The following MTUS2 variants were observed in gnomAD, a reference collection of about 807,000 sequenced individuals.
The protein encoded by MTUS2 is microtubule-associated tumor suppressor candidate 2.
MTUS2 carries 40 observed loss-of-function variants against 114.1 expected under a neutral mutation model. That is an observed-to-expected ratio of 0.35 (90% CI 0.27 to 0.46). MTUS2 has a LOEUF of 0.46. Among genes scored for constraint, MTUS2 ranks in the 20% least tolerant of loss-of-function variants. The pLI is 1.00. For synonymous variants in MTUS2, 688 were observed against 672.0 expected (o/e 1.02, Z -0.37); for missense variants, 1,679 against 1,705.4 (o/e 0.98, Z 0.27).
chr13:29,372,739 A>T (rs1871295259), intron 8 of MTUS2, among the ~76,000 whole-genome samples: 3 of 152,162 alleles, frequency 2.0e-5, no homozygotes, highest in African/African-American at 4.8e-5. Context: ...TCAGATCCAT[A>T]TGTATGTTAT....
intron 6 of MTUS2, 39 bp from the exon 7 acceptor site, chr13:29,324,574 C>T: frequency 6.9e-7 from 1 of 1,459,348 alleles, no homozygotes; most frequent in Middle Eastern, 1.7e-4. Flanking sequence ...TTTTAAGTAG[C>T]TTACTTTCTA....
intron 2 of MTUS2, among the ~76,000 whole-genome samples, chr13:28,872,109 G>A (rs1877652620): frequency 6.6e-6 from 1 of 152,242 alleles, no homozygotes; most frequent in Non-Finnish European, 1.5e-5. Flanking sequence ...ATGGTTATAA[G>A]TGGGTATTAG....
At chr13:28,880,822 A>T (rs1481911687) in intron 2 of MTUS2, among the ~76,000 whole-genome samples, 1 of 152,220 alleles carries the variant, frequency 6.6e-6, no homozygotes, top group Non-Finnish European at 1.5e-5. Context: ...TTAACAGTAC[A>T]GCATGGTCTC....
intron 6 of MTUS2, among the ~76,000 whole-genome samples, chr13:29,312,444 A>G (rs1899811850): frequency 6.6e-6 from 1 of 152,234 alleles, no homozygotes; most frequent in African/African-American, 2.4e-5. Flanking sequence ...AAGTAAAACT[A>G]CAGGATCTAA....
chr13:29,485,182 A>G (rs901216958), intron 10 of MTUS2: 1 of 152,688 alleles, frequency 6.5e-6, no homozygotes, highest in Non-Finnish European at 1.5e-5. Flanking sequence ...GGTGATCTTC[A>G]ATGCATAGAA....
At position 29,026,516 on chromosome 13, in the gene MTUS2, G is replaced by A. The variant is rs781250421; in HGVS notation, c.1818G>A (p.Lys606=). 4.3e-6 allele frequency: 7 copies of A among 1,613,766 alleles called. No individual in the cohort carries two copies. The South Asian group carries it at 7.7e-5, about 18-fold the overall frequency. The change falls in exon 3 of 16, where the codon AAG becomes AAA. Residue 606 remains lysine, a synonymous_variant. Coordinates refer to ENST00000612955, the MANE Select transcript of MTUS2 (RefSeq NM_001033602.4). ...GIPKPVFTHS[K]DTPSSQEGME... Reference sequence around the variant, plus strand: ...CCAAGCCTGTCTTCACACATTCCAAGGACACACCTTCCTCGCAGGAGGGAA... The same window carrying A: ...CCAAGCCTGTCTTCACACATTCCAAAGACACACCTTCCTCGCAGGAGGGAA...
intron 4 of MTUS2, among the ~76,000 whole-genome samples, chr13:29,081,426 A>T (rs1299541006): frequency 6.6e-6 from 1 of 152,036 alleles, no homozygotes; most frequent in African/African-American, 2.4e-5. Flanking sequence ...GTAAGCCCTT[A>T]TGGTGCTCTA....
intron 8 of MTUS2, among the ~76,000 whole-genome samples, chr13:29,436,358 T>G (rs1877408070): frequency 6.6e-6 from 1 of 152,114 alleles, no homozygotes; most frequent in African/African-American, 2.4e-5. Context: ...GAGTCCCAGT[T>G]TCCTCCTCCA....
At chr13:29,406,558 T>C (rs1293326098) in intron 8 of MTUS2, among the ~76,000 whole-genome samples, 1 of 152,158 alleles carries the variant, frequency 6.6e-6, no homozygotes, top group Non-Finnish European at 1.5e-5. Flanking sequence ...GGATGGAAGC[T>C]ACAAGTCTTT....
intron 4 of MTUS2, among the ~76,000 whole-genome samples, chr13:29,084,446 A>G (rs2475527): frequency 0.97 from 146,632 of 150,978 alleles, 71,298 homozygotes; most frequent in Non-Finnish European, 1. Flanking sequence ...CCTCCAGAGA[A>G]GTTCAAATCA....
rs189161325 is a variant in MTUS2, at chr13:29,000,982, G to C, written c.-242-23475G>C. 5.9e-5 allele frequency among the ~76,000 whole-genome samples: 9 copies of C among 152,298 alleles called. No individual in the cohort carries two copies. In the East Asian group the frequency reaches 1.4e-3, roughly 23 times the overall value. On this transcript the variant is annotated intron_variant, in intron 2 of 15. Transcript: ENST00000612955. Reference sequence around the variant, plus strand: ...CAGTTCCGCTGAACACTTGTCAGCAGCGTTCTACAGTCCTTAGGGTAGGAT... The same window carrying C: ...CAGTTCCGCTGAACACTTGTCAGCACCGTTCTACAGTCCTTAGGGTAGGAT...
chr13:28,989,362 C>T (rs1593359861), intron 2 of MTUS2, among the ~76,000 whole-genome samples: 1 of 152,162 alleles, frequency 6.6e-6, no homozygotes, highest in African/African-American at 2.4e-5. Flanking sequence ...ATAAGGGATA[C>T]ATGTATGAGG....
intron 8 of MTUS2, among the ~76,000 whole-genome samples, chr13:29,424,737 A>C (rs566185488): frequency 6.6e-6 from 1 of 152,186 alleles, no homozygotes; most frequent in Non-Finnish European, 1.5e-5. Context: ...GAACAGGTGA[A>C]GTGACATTAC....
At chr13:29,295,601 T>A (rs1219662977) in intron 6 of MTUS2, among the ~76,000 whole-genome samples, 1 of 152,236 alleles carries the variant, frequency 6.6e-6, no homozygotes, top group South Asian at 2.1e-4. Flanking sequence ...AGTAACTGAA[T>A]GTTGTTCTTT....
intron 6 of MTUS2, among the ~76,000 whole-genome samples, chr13:29,313,737 AG>A (rs1213697831): frequency 1.3e-5 from 2 of 152,188 alleles, no homozygotes; most frequent in African/African-American, 4.8e-5. Context: ...GGATACAAAA[AG>A]ATCCAGAGCA....
chr13:29,224,799 GC>G (rs1896041446), intron 5 of MTUS2, among the ~76,000 whole-genome samples: 1 of 151,814 alleles, frequency 6.6e-6, no homozygotes, highest in Non-Finnish European at 1.5e-5. Context: ...CACAATATTT[GC>G]CCTCCCTATT....
At chr13:29,370,832 G>C (rs1012199530) in intron 8 of MTUS2, among the ~76,000 whole-genome samples, 4 of 152,206 alleles carry the variant, frequency 2.6e-5, no homozygotes, top group Non-Finnish European at 5.9e-5. Flanking sequence ...TAAAGGGATG[G>C]AGAAACATAC....
chr13:29,140,718 C>T (rs1892183590), intron 5 of MTUS2, among the ~76,000 whole-genome samples: 1 of 152,180 alleles, frequency 6.6e-6, no homozygotes, highest in Admixed American at 6.5e-5. Context: ...AGAAAATCAC[C>T]TCTTCCTCTG....
intron 5 of MTUS2, among the ~76,000 whole-genome samples, chr13:29,113,617 G>A (rs1209158391): frequency 6.6e-6 from 1 of 152,118 alleles, no homozygotes; most frequent in African/African-American, 2.4e-5. Context: ...TGCCATGTGT[G>A]GCTAGTAGTT....
Sources: allele counts gnomAD v4.1 joint callset (sites outside exome capture counted in the v4.1 genomes callset), GRCh38; gene constraint gnomAD v4.1.1; transcripts MANE v1.5; gene names NCBI Gene and HGNC (gene_info 2026-07-23, HGNC 2026-07-21).